Variants in SLC2A13 observed in about 807,000 individuals in gnomAD.
SLC2A13 encodes proton myo-inositol cotransporter.
Under a neutral mutation model 64.4 loss-of-function variants are expected in SLC2A13, and 32 were observed. The observed-to-expected ratio is 0.50, with a 90% CI of 0.37 to 0.67. The LOEUF (loss-of-function observed/expected upper bound fraction) is 0.67, where lower values mean the gene tolerates loss of function less well. Ranked by LOEUF, SLC2A13 falls within the 30% of genes least tolerant of loss-of-function variation. SLC2A13 has a pLI of 0.00. For synonymous variants in SLC2A13, 338 were observed against 327.1 expected, an observed-to-expected ratio of 1.03 and a Z score of -0.36; for missense variants, 743 against 829.2, an observed-to-expected ratio of 0.90 and a Z score of 1.28.
intron 9 of SLC2A13, among the ~76,000 whole-genome samples, chr12:39,760,590 A>C (rs1940099096): frequency 6.6e-6 from 1 of 152,032 alleles, no homozygotes; most frequent in African/African-American, 2.4e-5. Context: ...CTAAAATAAC[A>C]ACCAAGAAAT....
At chr12:40,001,246 A>G (rs1002093654) in intron 3 of SLC2A13, among the ~76,000 whole-genome samples, 2 of 152,252 alleles carry the variant, frequency 1.3e-5, no homozygotes, top group Non-Finnish European at 2.9e-5. Flanking sequence ...CTGGCAGCAC[A>G]TACTGGAGAG....
At chr12:40,033,027 A>G (rs1191746982) in intron 2 of SLC2A13, among the ~76,000 whole-genome samples, 1 of 152,234 alleles carries the variant, frequency 6.6e-6, no homozygotes, top group Non-Finnish European at 1.5e-5. Flanking sequence ...AGCACCAGTT[A>G]CCGTGTGCCA....
intron 1 of SLC2A13, among the ~76,000 whole-genome samples, chr12:40,078,241 A>C (rs977184687): frequency 6.6e-6 from 1 of 152,140 alleles, no homozygotes; most frequent in Middle Eastern, 3.2e-3. Flanking sequence ...TCTCAAGGAA[A>C]ATGATTCCAG....
chr12:39,837,635 A>C (rs1943050156), intron 6 of SLC2A13, among the ~76,000 whole-genome samples: 1 of 150,172 alleles, frequency 6.7e-6, no homozygotes, highest in Non-Finnish European at 1.5e-5. Context: ...AACTCCAACA[A>C]ATTTACAAGA....
intron 6 of SLC2A13, among the ~76,000 whole-genome samples, chr12:39,836,518 G>A (rs1943009685): frequency 6.6e-6 from 1 of 151,598 alleles, no homozygotes; most frequent in African/African-American, 2.4e-5. Context: ...GAAATAAAGG[G>A]TATTCAATTA....
rs568929415 is a variant in SLC2A13 at position 39,936,849 on chromosome 12, C to T, written c.1034+14408G>A. Among the ~76,000 whole-genome samples the T allele has an allele frequency of 6.6e-5, 10 of 152,196 alleles. No homozygotes were observed. In the South Asian group the frequency reaches 2.1e-3, roughly 32 times the overall value. On this transcript the variant is annotated intron_variant, in intron 4 of 9. Transcript: ENST00000280871. ...CTGAGACTGGTGAGAGTGGAATATT[C>T]AAAAGTAGAAATGTCCAGCAGTTGA...
chr12:39,807,170 A>G (rs1051949911), intron 7 of SLC2A13, among the ~76,000 whole-genome samples: 2 of 151,860 alleles, frequency 1.3e-5, no homozygotes, highest in Non-Finnish European at 2.9e-5. Context: ...TTTTGCGCCA[A>G]CCTAGTGGTC....
intron 9 of SLC2A13, among the ~76,000 whole-genome samples, chr12:39,762,351 T>C (rs1275945321): frequency 1.4e-5 from 2 of 145,908 alleles, no homozygotes; most frequent in Admixed American, 6.9e-5. Context: ...AGGATTTAAA[T>C]CTTATTAGAG....
intron 7 of SLC2A13, among the ~76,000 whole-genome samples, chr12:39,785,023 C>T (rs1362005299): frequency 6.6e-6 from 1 of 152,118 alleles, no homozygotes; most frequent in East Asian, 1.9e-4. Context: ...AATTTGCAGC[C>T]TTATGATGTA....
intron 7 of SLC2A13, among the ~76,000 whole-genome samples, chr12:39,786,590 G>T (rs1378027842): frequency 1.3e-5 from 2 of 152,202 alleles, no homozygotes; most frequent in Non-Finnish European, 2.9e-5. Flanking sequence ...AAAGCACAAG[G>T]AGAGCATGAT....
At chr12:39,913,410 CTAAAA>C (rs1327691298) in intron 4 of SLC2A13, among the ~76,000 whole-genome samples, 2 of 151,200 alleles carry the variant, frequency 1.3e-5, no homozygotes, top group East Asian at 3.9e-4. Flanking sequence ...TGAATAAAAA[CTAAAA>C]TAAGATGGGA....
At chr12:39,761,385 G>A (rs1940141052) in intron 9 of SLC2A13, among the ~76,000 whole-genome samples, 1 of 151,964 alleles carries the variant, frequency 6.6e-6, no homozygotes, top group South Asian at 2.1e-4. Context: ...GTGTAATGGG[G>A]AAAATAATTC....
At chr12:39,845,077 T>A (rs1943270973) in intron 6 of SLC2A13, among the ~76,000 whole-genome samples, 1 of 152,038 alleles carries the variant, frequency 6.6e-6, no homozygotes, top group Admixed American at 6.6e-5. Context: ...AACTAATTAC[T>A]TTTTACTGTT....
chr12:39,896,474 GTA>G (rs1246399193), intron 4 of SLC2A13, among the ~76,000 whole-genome samples: 69 of 144,058 alleles, frequency 4.8e-4, no homozygotes, highest in African/African-American at 1.1e-3. Flanking sequence ...ATACATATAT[GTA>G]TATGTGTATA....
chr12:40,082,396 T>C (rs752316030), intron 1 of SLC2A13, among the ~76,000 whole-genome samples: 7 of 152,116 alleles, frequency 4.6e-5, no homozygotes, highest in Admixed American at 1.3e-4. Context: ...GAGTTTTGAG[T>C]TGTAATCAGT....
intron 6 of SLC2A13, among the ~76,000 whole-genome samples, chr12:39,840,078 C>T (rs1943140483): frequency 6.6e-6 from 1 of 152,012 alleles, no homozygotes; most frequent in Admixed American, 6.6e-5. Flanking sequence ...GTCACCCAGG[C>T]TGGAGTGCAA....
intron 2 of SLC2A13, among the ~76,000 whole-genome samples, chr12:40,034,195 TAAGAG>T (rs970433929): frequency 6.6e-6 from 1 of 152,210 alleles, no homozygotes; most frequent in African/African-American, 2.4e-5. Context: ...TGAATTCTAC[TAAGAG>T]AAGACACTTT....
chr12:39,971,180 C>T (rs994484212), intron 3 of SLC2A13, among the ~76,000 whole-genome samples: 10 of 151,990 alleles, frequency 6.6e-5, no homozygotes, highest in South Asian at 2.1e-4. Context: ...AAAATCATTT[C>T]GGGAATAAGA....
chr12:40,030,763 G>A (rs568257146), intron 2 of SLC2A13, among the ~76,000 whole-genome samples: 5 of 152,172 alleles, frequency 3.3e-5, no homozygotes, highest in Admixed American at 3.3e-4. Flanking sequence ...AGAGAAAAGA[G>A]AAGACAAAAA....
Sources: gnomAD v4.1 joint callset for allele counts (sites outside exome capture counted in the v4.1 genomes callset) on GRCh38, gnomAD v4.1.1 for gene constraint, MANE v1.5 for transcripts, NCBI Gene and HGNC (gene_info 2026-07-23, HGNC 2026-07-21) for gene names.